CAMTA1: variants seen among roughly 807,000 people sequenced by gnomAD.
CAMTA1 encodes calmodulin binding transcription activator 1, also known as calmodulin-binding transcription activator 1.
CAMTA1 carries 27 observed loss-of-function variants against 170.9 expected under a neutral mutation model. That is an observed-to-expected ratio of 0.16 (90% confidence interval 0.12 to 0.22). The LOEUF (loss-of-function observed/expected upper bound fraction) is 0.22. CAMTA1 is among the 10% of genes least tolerant of loss of function. The probability of loss-of-function intolerance (pLI) is 1.00; values close to 1 mark genes in which losing one functional copy is unlikely to be tolerated. For synonymous variants in CAMTA1, 833 were observed against 891.5 expected (o/e 0.93, Z 1.17); for missense variants, 1,619 against 2,217.2 (o/e 0.73, Z 5.42).
intron 6 of CAMTA1, among the ~76,000 whole-genome samples, chr1:7,576,518 A>G (rs957354039): frequency 6.6e-6 from 1 of 152,200 alleles, no homozygotes; most frequent in Non-Finnish European, 1.5e-5. Flanking sequence ...GTGAGGACGC[A>G]AGCAAGAAGG....
intron 3 of CAMTA1, among the ~76,000 whole-genome samples, chr1:6,827,666 T>A (rs1255802096): frequency 6.6e-6 from 1 of 152,200 alleles, no homozygotes; most frequent in Non-Finnish European, 1.5e-5. Context: ...TTCTTCATGT[T>A]GACATGAAAA....
rs149396733 is a variant in CAMTA1 at position 7,510,301 on chromosome 1, C to T, written c.510+42400C>T. On this transcript the variant is annotated intron_variant, in intron 6 of 22. Coordinates refer to ENST00000303635, the MANE Select transcript of CAMTA1 (RefSeq NM_015215.4). ...CCACCCCCGGGAATTCTGGGTGCCC[C>T]ACTCTGGGGTAGAGCCCAGAATGGC... Among the ~76,000 whole-genome samples the T allele has an allele frequency of 8.4e-4, 122 of 145,014 alleles. 5 individuals are homozygous for T. Among genetic ancestry groups the T allele is most frequent in the African/African-American group, 2.7e-3 (111 of 40,644 alleles).
At chr1:7,661,896 G>A (rs780599313) in intron 8 of CAMTA1, 30 bp downstream of exon 8, 20 of 1,574,748 alleles carry the variant, frequency 1.3e-5, no homozygotes, top group East Asian at 2.3e-5. Flanking sequence ...GCAGGCGGGC[G>A]CCACGGGGAC....
At chr1:7,498,084 G>A (rs1323507425) in intron 6 of CAMTA1, among the ~76,000 whole-genome samples, 1 of 152,068 alleles carries the variant, frequency 6.6e-6, no homozygotes, top group African/African-American at 2.4e-5. Context: ...GGGGTGCGGG[G>A]AGCATCCTGA....
chr1:7,391,671 G>C (rs994894130), intron 5 of CAMTA1, among the ~76,000 whole-genome samples: 1 of 152,092 alleles, frequency 6.6e-6, no homozygotes, highest in Non-Finnish European at 1.5e-5. Flanking sequence ...TAAGCTGCTC[G>C]GCGTACTCCA....
rs113466132 is a variant in CAMTA1, at chr1:7,325,128, C to T, written c.438+75502C>T. On this transcript the variant is annotated intron_variant, in intron 5 of 22. Coordinates refer to ENST00000303635, the MANE Select transcript of CAMTA1 (RefSeq NM_015215.4). The surrounding 1 kb of genome is among the most constrained non-coding windows in gnomAD (Gnocchi z 5.0). The stretch of plus-strand genomic sequence containing the variant: ...TACTTATTCAACATTAAATTCCACG[C>T]ACTGTTCTAGGAACATAGGAAACAC... Among the ~76,000 whole-genome samples the T allele has an allele frequency of 0.014, 2,166 of 152,318 alleles. 19 individuals carry two copies. The highest frequency in any genetic ancestry group is 0.021 in the Non-Finnish European group (1,408 of 68,034).
chr1:6,795,937 A>G (rs539712957), intron 1 of CAMTA1, among the ~76,000 whole-genome samples: 3 of 152,326 alleles, frequency 2.0e-5, no homozygotes, highest in Admixed American at 1.3e-4. Flanking sequence ...ATAGTGCTAT[A>G]GTTCTCATGC....
At chr1:7,059,182 C>T (rs1270591065) in intron 3 of CAMTA1, among the ~76,000 whole-genome samples, 1 of 152,196 alleles carries the variant, frequency 6.6e-6, no homozygotes, top group Admixed American at 6.5e-5. Context: ...TCTCTCTAGA[C>T]AGGTTTGGGA....
At chr1:7,683,806 C>A (rs1219035278) in intron 11 of CAMTA1, among the ~76,000 whole-genome samples, 3 of 152,222 alleles carry the variant, frequency 2.0e-5, no homozygotes, top group Non-Finnish European at 4.4e-5. Context: ...TTATACATTG[C>A]GGTGGGTGTC....
chr1:7,231,350 T>TGTGA lies in CAMTA1; in HGVS notation c.303-18140_303-18139insTGAG, dbSNP rs112268253. On this transcript the variant is annotated intron_variant, in intron 4 of 22. Transcript: ENST00000303635. ...TAATGTGTGTGTGTGTGTGTGTGTG[T>TGTGA]GAGAGAGAGAGAGAGAGAGAGAGGT... 3.8e-3 allele frequency among the ~76,000 whole-genome samples: 538 copies of TGTGA among 141,178 alleles called. 1 individual carries two copies. Among genetic ancestry groups the TGTGA allele is most frequent in the African/African-American group, 0.012 (458 of 37,562 alleles). The allele number at this position is 141,178 out of a possible 152,430, so 92.6% of individuals were successfully genotyped here. A position where few individuals can be genotyped will look rare whatever the true frequency, so the allele number is the denominator to read the frequency against.
At chr1:7,473,983 C>T (rs1350676200) in intron 6 of CAMTA1, among the ~76,000 whole-genome samples, 1 of 152,260 alleles carries the variant, frequency 6.6e-6, no homozygotes, top group Non-Finnish European at 1.5e-5. Flanking sequence ...GGTCCCTGAA[C>T]CCCAGCCCCT....
At chr1:6,899,674 T>G (rs1676509996) in intron 3 of CAMTA1, among the ~76,000 whole-genome samples, 1 of 152,156 alleles carries the variant, frequency 6.6e-6, no homozygotes, top group African/African-American at 2.4e-5. Context: ...AATTGCTTGA[T>G]TTTTGTGATG....
At chr1:6,905,243 G>C (rs1052483008) in intron 3 of CAMTA1, among the ~76,000 whole-genome samples, 1 of 135,906 alleles carries the variant, frequency 7.4e-6, no homozygotes, top group Non-Finnish European at 1.5e-5. Flanking sequence ...GCCCAGGCTA[G>C]AGTGCAGTGG....
chr1:7,440,374 C>T (rs147642534), intron 5 of CAMTA1, among the ~76,000 whole-genome samples: 117 of 152,362 alleles, frequency 7.7e-4, no homozygotes, highest in African/African-American at 2.6e-3. Flanking sequence ...TGGGACAGTC[C>T]CAGTGGGAAG....
At chr1:7,053,753 T>C (rs865793507) in intron 3 of CAMTA1, among the ~76,000 whole-genome samples, 7 of 152,124 alleles carry the variant, frequency 4.6e-5, no homozygotes, top group Non-Finnish European at 2.9e-5. Context: ...CTCACTCCCA[T>C]AGAAAGGAAT....
Position 7,251,999 on chromosome 1 carries a change from A to G in CAMTA1, c.438+2373A>G, listed in dbSNP as rs953153544. Among the ~76,000 whole-genome samples the G allele has an allele frequency of 3.9e-5, 6 of 152,154 alleles. No individual in the cohort carries two copies. The highest frequency in any genetic ancestry group is 1.4e-4 in the African/African-American group (6 of 41,430). On this transcript the variant is annotated intron_variant, in intron 5 of 22. Coordinates refer to ENST00000303635, the MANE Select transcript of CAMTA1 (RefSeq NM_015215.4). This position sits in a 1 kb window ranked among gnomAD's most constrained non-coding sequence, Gnocchi z 5.1. Reference sequence around the variant, plus strand: ...TCTCTTCATCCCTTTTCACAATCCTATAGCATTCTACTATATAAACACTTG... The same window carrying G: ...TCTCTTCATCCCTTTTCACAATCCTGTAGCATTCTACTATATAAACACTTG...
intron 11 of CAMTA1, among the ~76,000 whole-genome samples, chr1:7,706,967 A>G (rs1006470781): frequency 6.7e-5 from 10 of 150,010 alleles, no homozygotes; most frequent in African/African-American, 9.9e-5. Flanking sequence ...GCTCACCACA[A>G]CCTGCACCTC....
intron 3 of CAMTA1, among the ~76,000 whole-genome samples, chr1:6,998,878 A>G (rs2100584269): frequency 6.6e-6 from 1 of 152,354 alleles, no homozygotes; most frequent in East Asian, 1.9e-4. Flanking sequence ...CATTATTTAA[A>G]TATTCATTTA....
intron 3 of CAMTA1, among the ~76,000 whole-genome samples, chr1:6,884,293 C>G (rs1438297108): frequency 4.2e-5 from 3 of 70,760 alleles, no homozygotes; most frequent in South Asian, 5.4e-4. Context: ...TCTCTAGAGA[C>G]ACACACACAC....
Sources: gnomAD v4.1 joint callset for allele counts (sites outside exome capture counted in the v4.1 genomes callset) on GRCh38, gnomAD v4.1.1 for gene constraint, Gnocchi (gnomAD v3.1) non-coding constraint, MANE v1.5 for transcripts, NCBI Gene and HGNC (gene_info 2026-07-23, HGNC 2026-07-21) for gene names.